FBXW4: variants seen among roughly 807,000 people sequenced by gnomAD.
FBXW4 encodes the protein F-box and WD repeat domain containing 4, also known as F-box/WD repeat-containing protein 4.
Under a neutral mutation model 61.8 loss-of-function variants are expected in FBXW4, and 40 were observed. The ratio of observed to expected loss-of-function variants is 0.65; its 90% CI spans 0.50 to 0.84. FBXW4 has a LOEUF of 0.84. Ranked by LOEUF, FBXW4 falls within the 40% of genes least tolerant of loss-of-function variation. The probability of loss-of-function intolerance (pLI) is 0.00; values close to 1 mark genes in which losing one functional copy is unlikely to be tolerated. For synonymous variants in FBXW4, 311 were observed against 313.8 expected, an observed-to-expected ratio of 0.99 and a Z score of 0.10; for missense variants, 672 against 753.8, an observed-to-expected ratio of 0.89 and a Z score of 1.27.
chr10:101,616,337 A>G (rs1359020146), intron 6 of FBXW4, among the ~76,000 whole-genome samples: 1 of 152,226 alleles, frequency 6.6e-6, no homozygotes, highest in Non-Finnish European at 1.5e-5. Flanking sequence ...TCTTCTGTAT[A>G]CAAAGCATTG....
chr10:101,613,658 G>T (rs2063804998), intron 6 of FBXW4, among the ~76,000 whole-genome samples: 1 of 152,210 alleles, frequency 6.6e-6, no homozygotes, highest in South Asian at 2.1e-4. Flanking sequence ...ACCTCACTGA[G>T]ACCCTGACCC....
intron 5 of FBXW4, among the ~76,000 whole-genome samples, chr10:101,628,957 T>C (rs1018922213): frequency 4.6e-5 from 7 of 152,198 alleles, no homozygotes; most frequent in Non-Finnish European, 1.0e-4. Context: ...CAGGCAAACC[T>C]GGCATCATGC....
intron 5 of FBXW4, chr10:101,627,048 T>A (rs1407988854): frequency 7.1e-6 from 1 of 140,302 alleles, no homozygotes; most frequent in African/African-American, 2.7e-5. Flanking sequence ...TACAGGGCCT[T>A]TTTTTTTTTT....
intron 5 of FBXW4, among the ~76,000 whole-genome samples, chr10:101,655,105 C>T (rs533069807): frequency 1.3e-5 from 2 of 152,320 alleles, no homozygotes; most frequent in African/African-American, 4.8e-5. Flanking sequence ...GCTGGGATGA[C>T]AGGTGTGTGC....
chr10:101,684,704 C>T (rs572543377), intron 1 of FBXW4, among the ~76,000 whole-genome samples: 10 of 152,328 alleles, frequency 6.6e-5, no homozygotes, highest in Non-Finnish European at 1.2e-4. Flanking sequence ...TTTAAGCAGC[C>T]AAAGATAAGA....
chr10:101,694,703 G>A lies in FBXW4; in HGVS notation c.403C>T (p.Pro135Ser). The change falls in exon 1 of 9, where the codon CCG (proline) becomes TCG (serine). Residue 135 changes from proline (P) to serine (S), a missense_variant. This residue lies in a region of FBXW4 where 311 missense variants were observed against 301.1 expected (regional missense o/e 1.03). Coordinates refer to ENST00000331272, the MANE Select transcript of FBXW4 (RefSeq NM_022039.4). The surrounding 1 kb of genome is among the most constrained non-coding windows in gnomAD (Gnocchi z 6.0). The stretch of plus-strand genomic sequence containing the variant: ...CCCCCTCGTCCCTGTGCTCTTCCCG[G>A]CCTGGCGCCCTCCCGCCGCCTAGCC... ...VRARRREGAR[P>S]GRAQGRGGQA... 2 of 1,374,384 alleles carry A rather than the reference G, an allele frequency of 1.5e-6. 1 individual carries two copies. The highest frequency in any genetic ancestry group is 3.4e-5 in the South Asian group (2 of 59,284). 85.1% of individuals were successfully genotyped at this position (1,374,384 alleles called of 1,614,324 possible).
intron 6 of FBXW4, among the ~76,000 whole-genome samples, chr10:101,613,871 C>G (rs1017604144): frequency 1.4e-4 from 22 of 152,260 alleles, no homozygotes; most frequent in African/African-American, 5.3e-4. Flanking sequence ...CAGGGAAGTT[C>G]TGGTCTTCCT....
chr10:101,694,557 G>A lies in FBXW4; in HGVS notation c.549C>T (p.Leu183=), dbSNP rs1365446390. The A allele has an allele frequency of 3.4e-6, 5 of 1,488,152 alleles. No homozygotes were observed. The highest frequency in any genetic ancestry group is 2.3e-5 in the Admixed American group (1 of 44,172). The allele number at this position is 1,488,152 out of a possible 1,614,324, so 92.2% of individuals were successfully genotyped here. Residue 183 remains leucine, a synonymous_variant, in exon 1 of 9, where the codon CTC becomes CTT. Coordinates refer to ENST00000331272, the MANE Select transcript of FBXW4 (RefSeq NM_022039.4). This position sits in a 1 kb window ranked among gnomAD's most constrained non-coding sequence, Gnocchi z 6.0. The part of the protein sequence containing the change: ...SAARPAAGPA[L]WRLPEELLLL... ...GCAGCAGCTCCTCCGGCAGGCGCCA[G>A]AGCGCAGGCCCCGCGGCCGGGCGGG... is the stretch of plus-strand genomic sequence containing the variant.
At chr10:101,681,138 A>C (rs1440646110) in intron 1 of FBXW4, among the ~76,000 whole-genome samples, 1 of 152,214 alleles carries the variant, frequency 6.6e-6, no homozygotes, top group Non-Finnish European at 1.5e-5. Context: ...CTGTGATCCC[A>C]GCACTTTGGG....
intron 1 of FBXW4, among the ~76,000 whole-genome samples, chr10:101,680,966 G>A (rs2064468229): frequency 6.6e-6 from 1 of 152,222 alleles, no homozygotes; most frequent in Non-Finnish European, 1.5e-5. Flanking sequence ...ACTGCCACTA[G>A]AAATGACAAA....
chr10:101,669,194 G>A (rs1235846882), intron 4 of FBXW4, among the ~76,000 whole-genome samples: 1 of 152,140 alleles, frequency 6.6e-6, no homozygotes, highest in Non-Finnish European at 1.5e-5. Context: ...AACATACTAA[G>A]AGGATCCTAA....
chr10:101,643,419 T>C (rs2064070418), intron 5 of FBXW4, among the ~76,000 whole-genome samples: 1 of 152,236 alleles, frequency 6.6e-6, no homozygotes, highest in South Asian at 2.1e-4. Flanking sequence ...CTCTGGGTTG[T>C]CCTGACCTTG....
intron 5 of FBXW4, among the ~76,000 whole-genome samples, chr10:101,640,014 C>T (rs2064037423): frequency 6.6e-6 from 1 of 152,198 alleles, no homozygotes. Flanking sequence ...GCTTCTCACC[C>T]AACTGAATGT....
chr10:101,695,081 G>T lies in FBXW4; in HGVS notation c.25C>A (p.Pro9Thr). The T allele has an allele frequency of 2.0e-6, 2 of 987,470 alleles. No homozygotes were observed. The highest frequency in any genetic ancestry group is 2.4e-6 in the Non-Finnish European group (2 of 831,654). 61.2% of individuals were successfully genotyped at this position (987,470 alleles called of 1,614,324 possible). ...TCGCCGGGCCCGCCGTTCCCGGGGG[G>T]CCCCGAGCGGCCCTGGCTGCCCATG... Reference protein sequence around the residue: MGSQGRSGPPGNGGPGEGE... With the variant: MGSQGRSGTPGNGGPGEGE... Residue 9 changes from proline to threonine, a missense_variant, in exon 1 of 9, where the codon CCC becomes ACC. Coordinates refer to ENST00000331272, the MANE Select transcript of FBXW4 (RefSeq NM_022039.4). This position sits in a 1 kb window ranked among gnomAD's most constrained non-coding sequence, Gnocchi z 4.2.
At chr10:101,668,832 C>T (rs1285660649) in intron 4 of FBXW4, among the ~76,000 whole-genome samples, 1 of 152,152 alleles carries the variant, frequency 6.6e-6, no homozygotes, top group Non-Finnish European at 1.5e-5. Context: ...GGGACATAAG[C>T]CCCTAACCAA....
chr10:101,659,497 G>A (rs2064222208), intron 5 of FBXW4: 1 of 883,894 alleles, frequency 1.1e-6, no homozygotes, highest in Non-Finnish European at 1.4e-6. Context: ...GAGACCAGCA[G>A]TGGGAAAACT....
chr10:101,668,267 G>A (rs912195357), intron 4 of FBXW4, among the ~76,000 whole-genome samples: 6 of 152,192 alleles, frequency 3.9e-5, no homozygotes, highest in African/African-American at 9.7e-5. Context: ...ATTCCTCAGC[G>A]GAGACTTGAC....
intron 6 of FBXW4, among the ~76,000 whole-genome samples, chr10:101,616,667 C>T (rs1436364364): frequency 6.6e-6 from 1 of 152,232 alleles, no homozygotes; most frequent in East Asian, 1.9e-4. Context: ...ACTAGGGCAA[C>T]CAGGCTGTTT....
intron 1 of FBXW4, among the ~76,000 whole-genome samples, chr10:101,690,948 T>C (rs1044396319): frequency 1.3e-5 from 2 of 152,176 alleles, no homozygotes; most frequent in African/African-American, 4.8e-5. Flanking sequence ...AAGTTCCGTT[T>C]TACAATTTAT....
Sources: allele counts gnomAD v4.1 joint callset (sites outside exome capture counted in the v4.1 genomes callset), GRCh38; gene constraint gnomAD v4.1.1; regional missense constraint gnomAD v4.1.1; non-coding constraint Gnocchi (gnomAD v3.1); transcripts MANE v1.5; gene names NCBI Gene and HGNC (gene_info 2026-07-23, HGNC 2026-07-21).